ANXA5: variants seen among roughly 807,000 people sequenced by gnomAD.
ANXA5 encodes annexin A5, also known as CBP-I.
ANXA5 carries 40 observed loss-of-function variants against 48.1 expected under a neutral mutation model. The observed-to-expected ratio is 0.83, with a 90% CI of 0.65 to 1.08. The LOEUF is 1.08. Ranked by LOEUF, ANXA5 falls within the 50% of genes least tolerant of loss-of-function variation. The pLI is 0.00. For missense variants in ANXA5, 357 were observed against 376.8 expected (o/e 0.95, Z 0.44); for synonymous variants, 113 against 129.1 (o/e 0.88, Z 0.85).
At chr4:121,671,761 C>G in intron 9 of ANXA5, 119 bp from the exon 10 acceptor site, 2 of 699,468 alleles carry the variant, frequency 2.9e-6, no homozygotes, top group Non-Finnish European at 4.9e-6. Context: ...TCCTTGCTGA[C>G]AGAACCTTGT....
At position 121,696,566 on chromosome 4, in the gene ANXA5, G is replaced by A; in HGVS notation, c.9+15C>T. ...TGTGGGTAAATCCAGCGCAGTGGGG[G>A]GCGCACGGCCTTACCTGTGCCATGG... On this transcript the variant is annotated intron_variant, in intron 2 of 12. Transcript: ENST00000296511. 2 of 1,397,028 alleles carry A rather than the reference G, an allele frequency of 1.4e-6. No homozygotes were observed. The highest frequency in any genetic ancestry group is 1.5e-5 in the African/African-American group (1 of 67,614). 86.5% of individuals were successfully genotyped at this position (1,397,028 alleles called of 1,614,324 possible).
In ANXA5 at chr4:121,673,909, T is replaced by C. The variant is rs117677079; in HGVS notation, c.532-1283A>G. Among the ~76,000 whole-genome samples the C allele has an allele frequency of 9.3e-3, 1,406 of 151,912 alleles. 52 individuals carry two copies. Among genetic ancestry groups the C allele is most frequent in the Admixed American group, 0.053 (812 of 15,232 alleles). ...GAAAATAGAAGTTGCAGGCTAGGCA[T>C]AGTGGCTCATGCCTGTAATCCCAGC... is the stretch of plus-strand genomic sequence containing the variant. On this transcript the variant is annotated intron_variant, in intron 8 of 12. Transcript: ENST00000296511.
rs35301456 is a variant in ANXA5, at chr4:121,669,054, GAA to G, written c.904-529_904-528del. Among the ~76,000 whole-genome samples the G allele has an allele frequency of 1.1e-3, 151 of 141,758 alleles. No homozygotes were observed. The Middle Eastern group carries it at 0.018, about 17-fold the overall frequency. The allele number at this position is 141,758 out of a possible 152,430, so 93.0% of individuals were successfully genotyped here. On this transcript the variant is annotated intron_variant, in intron 12 of 12. Transcript: ENST00000296511. ...ACATGGTCCACATTAACCTTTACTGGAAAAAAAAAAAAAAAGTCAAAAGACTT... is the reference window on the plus strand; with the variant it reads ...ACATGGTCCACATTAACCTTTACTGGAAAAAAAAAAAAAGTCAAAAGACTT...
chr4:121,680,109 AT>A (rs1239438841), intron 6 of ANXA5, among the ~76,000 whole-genome samples: 3 of 152,158 alleles, frequency 2.0e-5, no homozygotes, highest in African/African-American at 7.2e-5. Context: ...TATGAGTTCA[AT>A]TTTTTTAGAT....
In ANXA5 at chr4:121,686,390, G is replaced by C. The variant is rs1724890924; in HGVS notation, c.10-18C>G. The C allele has an allele frequency of 1.3e-6, 2 of 1,590,652 alleles. No homozygotes were observed. The highest frequency in any genetic ancestry group is 3.3e-5 in the Admixed American group (2 of 59,898). ...CTGAGAACCTAATTCACGAAACACAGTGGTATTATTCATATCATGACTAAT... is the reference window on the plus strand; with the variant it reads ...CTGAGAACCTAATTCACGAAACACACTGGTATTATTCATATCATGACTAAT... On this transcript the variant is annotated intron_variant, in intron 2 of 12. Coordinates refer to ENST00000296511, the MANE Select transcript of ANXA5 (RefSeq NM_001154.4).
At chr4:121,693,959 A>G (rs1725029651) in intron 2 of ANXA5, among the ~76,000 whole-genome samples, 1 of 152,176 alleles carries the variant, frequency 6.6e-6, no homozygotes, top group Non-Finnish European at 1.5e-5. Flanking sequence ...TTAAATTATT[A>G]TAATAATTTT....
At position 121,676,117 on chromosome 4, in the gene ANXA5, A is replaced by G. The variant is rs954281419; in HGVS notation, c.531+1777T>C. Among the ~76,000 whole-genome samples, 19 of 152,152 alleles carry G rather than the reference A, an allele frequency of 1.2e-4. 1 individual carries two copies. Among genetic ancestry groups the G allele is most frequent in the Non-Finnish European group, 2.4e-4 (16 of 68,028 alleles). The stretch of plus-strand genomic sequence containing the variant: ...CAGTAGGAATGAGAGAATCAGCACT[A>G]TCTCCTAGCAAAGCCACAACCAATG... On this transcript the variant is annotated intron_variant, in intron 8 of 12. Transcript: ENST00000296511.
intron 9 of ANXA5, 92 bp downstream of exon 9, chr4:121,672,441 T>G: frequency 2.5e-6 from 2 of 812,290 alleles, no homozygotes; most frequent in Non-Finnish European, 4.1e-6. Context: ...ATTCTCTAAG[T>G]CCCTGCTATG....
At chr4:121,684,145 G>C (rs1372342593) in intron 4 of ANXA5, among the ~76,000 whole-genome samples, 1 of 152,036 alleles carries the variant, frequency 6.6e-6, no homozygotes, top group African/African-American at 2.4e-5. Context: ...AGAATAACAA[G>C]ACTACATTTA....
intron 3 of ANXA5, among the ~76,000 whole-genome samples, chr4:121,685,004 AC>A: frequency 6.8e-6 from 1 of 147,666 alleles, no homozygotes; most frequent in East Asian, 2.0e-4. Context: ...ACATAGTGAG[AC>A]CCCCATCTCT....
chr4:121,687,506 A>G (rs956476202), intron 2 of ANXA5, among the ~76,000 whole-genome samples: 1 of 152,204 alleles, frequency 6.6e-6, no homozygotes, highest in African/African-American at 2.4e-5. Context: ...CTGTAAAGCT[A>G]GCCTCGTTTA....
At position 121,690,284 on chromosome 4, in the gene ANXA5, T is replaced by C. The variant is rs115382474; in HGVS notation, c.10-3912A>G. ...CCACAGGACCTTGGCTCCTGGGCTC[T>C]TACCCATGAAGCTACACTGTACTCC... On this transcript the variant is annotated intron_variant, in intron 2 of 12. Transcript: ENST00000296511. Among the ~76,000 whole-genome samples the C allele has an allele frequency of 3.2e-3, 480 of 152,264 alleles. 2 individuals are homozygous for C. The highest frequency in any genetic ancestry group is 0.011 in the African/African-American group (450 of 41,554).
intron 2 of ANXA5, among the ~76,000 whole-genome samples, chr4:121,688,482 G>C (rs185745381): frequency 1.3e-5 from 2 of 152,236 alleles, no homozygotes; most frequent in Non-Finnish European, 1.5e-5. Context: ...ACTGTATTCA[G>C]AGTTGAACCT....
intron 1 of ANXA5, 81 bp downstream of exon 1, chr4:121,696,782 G>C (rs1225292859): frequency 2.4e-6 from 1 of 410,162 alleles, no homozygotes; most frequent in African/African-American, 2.1e-5. Context: ...GCTCTCGGCC[G>C]AGCGTCCGCG....
chr4:121,683,845 A>T (rs578065044), intron 4 of ANXA5, among the ~76,000 whole-genome samples: 5 of 152,160 alleles, frequency 3.3e-5, no homozygotes, highest in Admixed American at 6.5e-5. Flanking sequence ...AAAGGACAAC[A>T]TTTAGTCTCT....
intron 4 of ANXA5, among the ~76,000 whole-genome samples, chr4:121,684,462 C>T (rs1476811654): frequency 6.6e-6 from 1 of 152,104 alleles, no homozygotes; most frequent in Non-Finnish European, 1.5e-5. Flanking sequence ...ACCTCTACAG[C>T]ATTAGGCAAG....
intron 5 of ANXA5, 107 bp from the exon 6 acceptor site, chr4:121,681,868 CCA>C: frequency 1.4e-6 from 1 of 693,386 alleles, no homozygotes; most frequent in Non-Finnish European, 2.4e-6. Context: ...TAAATATTAT[CCA>C]GTATAACATG....
chr4:121,684,394 T>C lies in ANXA5; in HGVS notation c.189+283A>G, dbSNP rs977195143. 9.2e-5 allele frequency among the ~76,000 whole-genome samples: 14 copies of C among 152,268 alleles called. No homozygotes were observed. The South Asian group carries it at 2.5e-3, about 27-fold the overall frequency. On this transcript the variant is annotated intron_variant, in intron 4 of 12. Transcript: ENST00000296511. ...GATAGTAAGACATCCATGTGAATGC[T>C]GAGTGGGAAACACAGAGGAAAAGAA...
intron 1 of ANXA5, 116 bp from the exon 2 acceptor site, chr4:121,696,740 G>A: frequency 5.3e-6 from 3 of 563,458 alleles, no homozygotes; most frequent in Admixed American, 4.4e-5. Context: ...CCCGCCACGG[G>A]GCCGACCCGC....
Sources: allele counts gnomAD v4.1 joint callset (sites outside exome capture counted in the v4.1 genomes callset), GRCh38; gene constraint gnomAD v4.1.1; transcripts MANE v1.5; gene names NCBI Gene and HGNC (gene_info 2026-07-23, HGNC 2026-07-21).